The following LDLRAP1 variants were observed in gnomAD, a reference collection of about 807,000 sequenced individuals.
The protein encoded by LDLRAP1 is low density lipoprotein receptor adaptor protein 1.
In LDLRAP1, 30 loss-of-function variants were observed where a neutral mutation model predicts 37.8. The ratio of observed to expected loss-of-function variants is 0.79; its 90% CI spans 0.59 to 1.08. The LOEUF is 1.08. Among genes scored for constraint, LDLRAP1 ranks in the 50% least tolerant of loss-of-function variants. The pLI is 0.00. For missense variants in LDLRAP1, 375 were observed against 401.6 expected, an observed-to-expected ratio of 0.93 and a Z score of 0.57; for synonymous variants, 156 against 169.8, an observed-to-expected ratio of 0.92 and a Z score of 0.63.
At position 25,556,249 on chromosome 1, in the gene LDLRAP1, C is replaced by G. The variant is rs896042375; in HGVS notation, c.345-904C>G. 2.7e-4 allele frequency among the ~76,000 whole-genome samples: 41 copies of G among 152,110 alleles called. 1 individual carries two copies. The highest frequency in any genetic ancestry group is 8.8e-5 in the Non-Finnish European group (6 of 68,002). ...TGCCCCACCTCTGGGCTACCGGCCC[C>G]TCCCCGATTGAGACTCTGAGGCTGA... is the stretch of plus-strand genomic sequence containing the variant. On this transcript the variant is annotated intron_variant, in intron 3 of 8. Coordinates refer to ENST00000374338, the MANE Select transcript of LDLRAP1 (RefSeq NM_015627.3).
intron 1 of LDLRAP1, among the ~76,000 whole-genome samples, chr1:25,548,197 C>T (rs72873703): frequency 0.2 from 30,962 of 152,148 alleles, 7,578 homozygotes; most frequent in African/African-American, 0.59. Flanking sequence ...GTCATGGACA[C>T]GTTAAATCTC....
In LDLRAP1 at chr1:25,543,712, A is replaced by G; in HGVS notation, c.14A>G (p.Lys5Arg). ...CCGGAGCGGGCCATGGACGCGCTCA[A>G]GTCGGCGGGGCGGGCGCTGATCCGG... Reference protein sequence around the residue: MDALKSAGRALIRSP... With the variant: MDALRSAGRALIRSP... The change falls in exon 1 of 9, where the codon AAG becomes AGG. Residue 5 changes from lysine to arginine, a missense_variant. Physicochemically the swap from Lys to Arg is conservative, Grantham distance 26. Transcript: ENST00000374338. The G allele has an allele frequency of 8.2e-7, 1 of 1,214,904 alleles. No homozygotes were observed. Among genetic ancestry groups the G allele is most frequent in the Non-Finnish European group, 1.0e-6 (1 of 977,206 alleles). 75.3% of individuals were successfully genotyped at this position (1,214,904 alleles called of 1,614,324 possible).
At chr1:25,587,808 C>T in the LDLRAP1 span, among the ~76,000 whole-genome samples, 2 of 151,890 alleles carry the variant, frequency 1.3e-5, no homozygotes, top group Non-Finnish European at 2.9e-5. Flanking sequence ...AATCTAGGGT[C>T]CACCGCATAT....
the LDLRAP1 span, among the ~76,000 whole-genome samples, chr1:25,579,217 G>T: frequency 6.6e-6 from 1 of 152,188 alleles, no homozygotes; most frequent in Non-Finnish European, 1.5e-5. Context: ...CCCAGCTCCA[G>T]CACCCCACTC....
chr1:25,558,084 G>A (rs1405562130), intron 4 of LDLRAP1, among the ~76,000 whole-genome samples: 1 of 152,114 alleles, frequency 6.6e-6, no homozygotes, highest in African/African-American at 2.4e-5. Context: ...GGTGGTCACG[G>A]GGGATTTGTC....
At chr1:25,585,568 G>T in the LDLRAP1 span, among the ~76,000 whole-genome samples, 1 of 152,136 alleles carries the variant, frequency 6.6e-6, no homozygotes, top group Non-Finnish European at 1.5e-5. Flanking sequence ...CTTGTGATCC[G>T]CCCGCCTCGG....
In LDLRAP1 at chr1:25,543,803, C is replaced by T. The variant is rs1265054012; in HGVS notation, c.88+17C>T. Reference sequence around the variant, plus strand: ...GGCACCGCAGTGAGTGTGCGCGCGTCAGCCGGGCCGGGCCGGGATCGGGCA... The same window carrying T: ...GGCACCGCAGTGAGTGTGCGCGCGTTAGCCGGGCCGGGCCGGGATCGGGCA... On this transcript the variant is annotated intron_variant, in intron 1 of 8. Coordinates refer to ENST00000374338, the MANE Select transcript of LDLRAP1 (RefSeq NM_015627.3). The T allele has an allele frequency of 5.0e-6, 6 of 1,201,652 alleles. No individual in the cohort carries two copies. The highest frequency in any genetic ancestry group is 4.4e-5 in the Admixed American group (1 of 22,646). The allele number at this position is 1,201,652 out of a possible 1,614,324, so 74.4% of individuals were successfully genotyped here.
At chr1:25,578,632 A>G in the LDLRAP1 span, among the ~76,000 whole-genome samples, 2 of 151,892 alleles carry the variant, frequency 1.3e-5, no homozygotes, top group South Asian at 4.2e-4. Flanking sequence ...CTTCCACCTC[A>G]GCCTGTTGAA....
intron 4 of LDLRAP1, among the ~76,000 whole-genome samples, chr1:25,561,294 C>T (rs2044337024): frequency 6.6e-6 from 1 of 152,176 alleles, no homozygotes; most frequent in Admixed American, 6.5e-5. Flanking sequence ...ACTTAATTAC[C>T]ATATTTAAGT....
At chr1:25,565,006 C>A in intron 7 of LDLRAP1, 167 bp from the exon 8 acceptor site, 1 of 714,510 alleles carries the variant, frequency 1.4e-6, no homozygotes, top group Non-Finnish European at 2.5e-6. Context: ...GGCTGAGATG[C>A]TGGCGATGCA....
the LDLRAP1 span, among the ~76,000 whole-genome samples, chr1:25,587,020 G>A: frequency 1.6e-4 from 24 of 152,258 alleles, no homozygotes; most frequent in South Asian, 2.1e-3. Context: ...CTGAGCCCTC[G>A]TCTTTTAGAC....
the LDLRAP1 span, among the ~76,000 whole-genome samples, chr1:25,584,539 A>G: frequency 6.6e-6 from 1 of 152,078 alleles, no homozygotes; most frequent in East Asian, 1.9e-4. Flanking sequence ...CTTGCCTCTC[A>G]GCAGGGACCT....
intron 1 of LDLRAP1, among the ~76,000 whole-genome samples, chr1:25,546,675 G>T (rs2043941110): frequency 6.6e-6 from 1 of 152,220 alleles, no homozygotes; most frequent in Admixed American, 6.5e-5. Context: ...GAGAGAAGGG[G>T]TGAAGAAATA....
intron 1 of LDLRAP1, among the ~76,000 whole-genome samples, chr1:25,545,768 T>C (rs2043920000): frequency 6.6e-6 from 1 of 152,184 alleles, no homozygotes. Context: ...CAAATAACAG[T>C]AGTACCTGCC....
chr1:25,561,706 TG>T (rs367988968), intron 4 of LDLRAP1, among the ~76,000 whole-genome samples: 19 of 152,282 alleles, frequency 1.2e-4, no homozygotes, highest in African/African-American at 4.6e-4. Flanking sequence ...GAATATGGGC[TG>T]GGGATAGGTC....
At chr1:25,577,621 C>T in the LDLRAP1 span, among the ~76,000 whole-genome samples, 1 of 152,126 alleles carries the variant, frequency 6.6e-6, no homozygotes, top group Non-Finnish European at 1.5e-5. Context: ...TGAAGTTAGA[C>T]GAGGAGGGGA....
downstream of LDLRAP1, among the ~76,000 whole-genome samples, chr1:25,572,419 G>A (rs1199065186): frequency 6.6e-6 from 1 of 152,204 alleles, no homozygotes; most frequent in African/African-American, 2.4e-5. Flanking sequence ...GTCACACACA[G>A]CCGATGGCAT....
At chr1:25,566,752 G>A (rs4603124) in intron 8 of LDLRAP1, 96 bp from the exon 9 acceptor site, 663,624 of 1,468,602 alleles carry the variant, frequency 0.45, 154,069 homozygotes, top group South Asian at 0.56. Flanking sequence ...CTTGGGCCAT[G>A]TGCCCTGCTG....
At chr1:25,582,388 C>T in the LDLRAP1 span, among the ~76,000 whole-genome samples, 4 of 151,802 alleles carry the variant, frequency 2.6e-5, no homozygotes, top group Non-Finnish European at 5.9e-5. Context: ...AGATCGAGAC[C>T]ATCCTGGCGA....
Sources: allele counts gnomAD v4.1 joint callset (sites outside exome capture counted in the v4.1 genomes callset), GRCh38; gene constraint gnomAD v4.1.1; transcripts MANE v1.5; gene names NCBI Gene and HGNC (gene_info 2026-07-23, HGNC 2026-07-21).